The following TMBIM6 variants were observed in gnomAD, a reference collection of about 807,000 sequenced individuals.
TMBIM6 encodes the protein transmembrane BAX inhibitor motif containing 6.
In TMBIM6, 13 loss-of-function variants were observed where a neutral mutation model predicts 31.4. The ratio of observed to expected loss-of-function variants is 0.41; its 90% CI spans 0.27 to 0.66. The LOEUF is 0.66. TMBIM6 is among the 30% of genes least tolerant of loss of function. The probability of loss-of-function intolerance (pLI) is 0.28; values close to 1 mark genes in which losing one functional copy is unlikely to be tolerated. For synonymous variants in TMBIM6, 85 were observed against 101.7 expected (o/e 0.84, Z 0.99); for missense variants, 275 against 289.5 (o/e 0.95, Z 0.36).
At chr12:49,745,354 C>T (rs1296676862) in intron 1 of TMBIM6, among the ~76,000 whole-genome samples, 7 of 152,096 alleles carry the variant, frequency 4.6e-5, no homozygotes, top group South Asian at 2.1e-4. Context: ...AAAGTACAGA[C>T]GGGCCCCAAT....
chr12:49,742,066 T>G, intron 1 of TMBIM6: 1 of 1,559,270 alleles, frequency 6.4e-7, no homozygotes, highest in Non-Finnish European at 8.6e-7. Flanking sequence ...TGCGGGCGGG[T>G]CCTTTGGTCG....
chr12:49,760,745 C>T (rs567050230), intron 8 of TMBIM6, among the ~76,000 whole-genome samples: 12 of 151,554 alleles, frequency 7.9e-5, no homozygotes, highest in African/African-American at 2.7e-4. Flanking sequence ...CACGTTGCCC[C>T]GTGAGGACAT....
intron 9 of TMBIM6, chr12:49,762,003 GA>G: frequency 2.0e-6 from 1 of 490,244 alleles, no homozygotes; most frequent in East Asian, 3.4e-5. Flanking sequence ...GTATGAAAGG[GA>G]AAAAAGCTTC....
intron 1 of TMBIM6, chr12:49,742,255 T>C (rs745506981): frequency 6.2e-7 from 1 of 1,607,638 alleles, no homozygotes; most frequent in South Asian, 1.1e-5. Context: ...GGCCCCGCTC[T>C]TTTCGGATTG....
Position 49,764,745 on chromosome 12 carries a change from T to A in TMBIM6, c.*1849T>A, listed in dbSNP as rs1346068886. On this transcript the variant is annotated 3_prime_UTR_variant, in exon 10 of 10. Coordinates refer to ENST00000267115, the MANE Select transcript of TMBIM6 (RefSeq NM_003217.3). ...AAAGAAAGAAAAAAAAAAAAACACC[T>A]ACTTTTAAAGAAAATACCTAACAGA... The A allele has an allele frequency of 1.3e-5, 2 of 148,334 alleles. No individual in the cohort carries two copies. The highest frequency in any genetic ancestry group is 5.1e-5 in the African/African-American group (2 of 39,398). 9.2% of individuals were successfully genotyped at this position (148,334 alleles called of 1,614,324 possible).
chr12:49,745,535 GC>G (rs1378723977), intron 1 of TMBIM6, among the ~76,000 whole-genome samples: 1 of 152,064 alleles, frequency 6.6e-6, no homozygotes, highest in East Asian at 1.9e-4. Flanking sequence ...GACCAGCCTG[GC>G]CAACATGGCA....
intron 9 of TMBIM6, 128 bp from the exon 10 acceptor site, chr12:49,762,745 G>T: frequency 1.1e-6 from 1 of 900,072 alleles, no homozygotes; most frequent in Non-Finnish European, 1.8e-6. Context: ...GCTGAGCTAA[G>T]GAAGCATTTC....
At position 49,742,480 on chromosome 12, in the gene TMBIM6, C is replaced by T. The variant is rs1056981381; in HGVS notation, c.-31+869C>T. 20 of 601,042 alleles carry T rather than the reference C, an allele frequency of 3.3e-5. No homozygotes were observed. In the African/African-American group the frequency reaches 3.9e-4, roughly 12 times the overall value. 37.2% of individuals were successfully genotyped at this position (601,042 alleles called of 1,614,324 possible). A position where few individuals can be genotyped will look rare whatever the true frequency, so the allele number is the denominator to read the frequency against. On this transcript the variant is annotated intron_variant, in intron 1 of 9. Transcript: ENST00000267115. ...AGCCCGGGCTGCTTGGGGTCATCAGCCTTTCATTGACCACCCCCACAACAA... is the reference window on the plus strand; with the variant it reads ...AGCCCGGGCTGCTTGGGGTCATCAGTCTTTCATTGACCACCCCCACAACAA...
rs766334936 is a variant in TMBIM6, at chr12:49,753,083, TAAG to T, written c.165+5_165+7del. 5.0e-6 allele frequency: 8 copies of T among 1,611,442 alleles called. No homozygotes were observed. In the Admixed American group the frequency reaches 1.3e-4, roughly 27 times the overall value. ...CATATGGTCACTCATTTCATTCAGG[TAAG>T]AACGATTTTCTCTCCTGGTTGCTGT... On this transcript the variant is annotated splice_donor_5th_base_variant and intron_variant, in intron 3 of 9. Transcript: ENST00000267115.
intron 4 of TMBIM6, among the ~76,000 whole-genome samples, chr12:49,756,136 T>A (rs951483993): frequency 6.6e-6 from 1 of 151,490 alleles, no homozygotes; most frequent in African/African-American, 2.4e-5. Flanking sequence ...CCTGGCCCTT[T>A]TTTTCCTTTT....
intron 1 of TMBIM6, chr12:49,742,154 G>A (rs757903818): frequency 6.2e-7 from 1 of 1,612,560 alleles, no homozygotes; most frequent in Non-Finnish European, 8.5e-7. Flanking sequence ...ACTCCTCTGT[G>A]ACACGCGAGG....
At chr12:49,760,174 C>T (rs956500152) in intron 8 of TMBIM6, among the ~76,000 whole-genome samples, 8 of 151,242 alleles carry the variant, frequency 5.3e-5, no homozygotes, top group African/African-American at 1.9e-4. Context: ...TAGTGGCTAC[C>T]TCCAAGCAGA....
In TMBIM6 at chr12:49,742,245, G is replaced by A. The variant is rs1945310401; in HGVS notation, c.-31+634G>A. 4.3e-6 allele frequency: 7 copies of A among 1,610,154 alleles called. No homozygotes were observed. Among genetic ancestry groups the A allele is most frequent in the Admixed American group, 1.7e-5 (1 of 58,994 alleles). ...GGGCTGCCTTCCAGGCCCACGGGGCGGCCCCGCTCTTTTCGGATTGGTTAC... is the reference window on the plus strand; with the variant it reads ...GGGCTGCCTTCCAGGCCCACGGGGCAGCCCCGCTCTTTTCGGATTGGTTAC... On this transcript the variant is annotated intron_variant, in intron 1 of 9. Transcript: ENST00000267115.
intron 1 of TMBIM6, among the ~76,000 whole-genome samples, chr12:49,746,456 A>G (rs987636966): frequency 6.6e-6 from 1 of 152,188 alleles, no homozygotes; most frequent in Non-Finnish European, 1.5e-5. Context: ...AGTAATAACA[A>G]TGGTTACCAT....
chr12:49,756,918 G>A (rs1945609896), intron 4 of TMBIM6, among the ~76,000 whole-genome samples: 1 of 151,580 alleles, frequency 6.6e-6, no homozygotes, highest in African/African-American at 2.4e-5. Context: ...TGTATTTTTA[G>A]TAGAGATGGG....
intron 9 of TMBIM6, chr12:49,762,025 A>G: frequency 4.0e-6 from 2 of 494,928 alleles, no homozygotes; most frequent in Non-Finnish European, 7.1e-6. Context: ...AGTGGCAGTA[A>G]ACACAACCTG....
intron 1 of TMBIM6, among the ~76,000 whole-genome samples, chr12:49,747,926 C>T (rs1375858905): frequency 6.6e-6 from 1 of 152,030 alleles, no homozygotes; most frequent in Non-Finnish European, 1.5e-5. Flanking sequence ...TTTTTTTACA[C>T]GTAGTCTCGC....
At chr12:49,754,111 AT>A (rs1476513735) in intron 3 of TMBIM6, among the ~76,000 whole-genome samples, 1 of 152,196 alleles carries the variant, frequency 6.6e-6, no homozygotes, top group Non-Finnish European at 1.5e-5. Context: ...TTTCATGGTC[AT>A]TTAGTGCCAC....
rs899478021 is a variant in TMBIM6 at position 49,757,355 on chromosome 12, A to G, written c.287-872A>G. Among the ~76,000 whole-genome samples, 8 of 152,228 alleles carry G rather than the reference A, an allele frequency of 5.3e-5. No individual in the cohort carries two copies. In the South Asian group the frequency reaches 1.4e-3, roughly 28 times the overall value. On this transcript the variant is annotated intron_variant, in intron 4 of 9. Coordinates refer to ENST00000267115, the MANE Select transcript of TMBIM6 (RefSeq NM_003217.3). ...GTAGGCATAGAACTTTTAATAAACT[A>G]GACTTGAGAATCCGACATAGTTGCA... is the stretch of plus-strand genomic sequence containing the variant.
Sources: allele counts gnomAD v4.1 joint callset (sites outside exome capture counted in the v4.1 genomes callset), GRCh38; gene constraint gnomAD v4.1.1; transcripts MANE v1.5; gene names NCBI Gene and HGNC (gene_info 2026-07-23, HGNC 2026-07-21).